Variants in MEGF10 observed in about 807,000 individuals in gnomAD.
MEGF10 encodes multiple EGF like domains 10, also known as multiple epidermal growth factor-like domains protein 10.
In MEGF10, 86 loss-of-function variants were observed where a neutral mutation model predicts 147.5. The observed-to-expected ratio is 0.58, with a 90% CI of 0.49 to 0.70. The LOEUF is 0.70. Among genes scored for constraint, MEGF10 ranks in the 30% least tolerant of loss-of-function variants. The probability of loss-of-function intolerance (pLI) is 0.00; values close to 1 mark genes in which losing one functional copy is unlikely to be tolerated. For missense variants in MEGF10, 1,329 were observed against 1,487.3 expected (o/e 0.89, Z 1.75); for synonymous variants, 478 against 525.5 (o/e 0.91, Z 1.24).
At chr5:127,405,806 T>C (rs1764300184) in intron 8 of MEGF10, among the ~76,000 whole-genome samples, 1 of 152,148 alleles carries the variant, frequency 6.6e-6, no homozygotes, top group South Asian at 2.1e-4. Flanking sequence ...ATTTTGTTAA[T>C]AGTAGCTGCT....
the MEGF10 span, among the ~76,000 whole-genome samples, chr5:127,276,767 T>C: frequency 6.6e-6 from 1 of 152,000 alleles, no homozygotes; most frequent in Non-Finnish European, 1.5e-5. Context: ...GAGAAAGACA[T>C]AGCAAACAAT....
rs71573990 is a variant in MEGF10, at chr5:127,357,588, AAAATAAATAAAT to A, written c.320-12290_320-12279del. On this transcript the variant is annotated intron_variant, in intron 4 of 24. Coordinates refer to ENST00000503335, the MANE Select transcript of MEGF10 (RefSeq NM_001256545.2). ...AGGTGACAGAACAAGACCCTGCCTC[AAAATAAATAAAT>A]AAATAAATAAATAAATAAATAAATA... is the stretch of plus-strand genomic sequence containing the variant. Among the ~76,000 whole-genome samples the A allele has an allele frequency of 4.0e-3, 526 of 132,600 alleles. 2 individuals are homozygous for A. The highest frequency in any genetic ancestry group is 0.011 in the Middle Eastern group (3 of 272). 87.0% of individuals were successfully genotyped at this position (132,600 alleles called of 152,430 possible). A position where few individuals can be genotyped will look rare whatever the true frequency, so the allele number is the denominator to read the frequency against.
rs1215640291 is a variant in MEGF10, at chr5:127,459,361, CAATT to C, written c.*2044_*2047del. On this transcript the variant is annotated 3_prime_UTR_variant, in exon 25 of 25. Coordinates refer to ENST00000503335, the MANE Select transcript of MEGF10 (RefSeq NM_001256545.2). The stretch of plus-strand genomic sequence containing the variant: ...AATGACCTGGAACAGGCCTTAGAAA[CAATT>C]GATTTATTCCAATAGTTAACCACTG... 6.6e-6 allele frequency: 1 copy of C among 152,140 alleles called. No individual in the cohort carries two copies. The highest frequency in any genetic ancestry group is 2.1e-4 in the South Asian group (1 of 4,818). The allele number at this position is 152,140 out of a possible 1,614,324, so 9.4% of individuals were successfully genotyped here.
intron 1 of MEGF10, among the ~76,000 whole-genome samples, chr5:127,313,702 A>T (rs1270766735): frequency 6.6e-6 from 1 of 152,228 alleles, no homozygotes; most frequent in Non-Finnish European, 1.5e-5. Flanking sequence ...AGCAATGTAC[A>T]GACTCAGATT....
chr5:127,319,670 G>C (rs78652976), intron 1 of MEGF10, among the ~76,000 whole-genome samples: 1 of 152,044 alleles, frequency 6.6e-6, no homozygotes, highest in Non-Finnish European at 1.5e-5. Flanking sequence ...AATTCACTGC[G>C]AGCTCTTCCT....
At chr5:127,351,606 T>G (rs1762091719) in intron 4 of MEGF10, among the ~76,000 whole-genome samples, 1 of 152,166 alleles carries the variant, frequency 6.6e-6, no homozygotes, top group Non-Finnish European at 1.5e-5. Flanking sequence ...CATTTAGAAT[T>G]AGATTTGGCT....
intron 7 of MEGF10, among the ~76,000 whole-genome samples, chr5:127,401,448 A>C (rs576029863): frequency 1.3e-5 from 2 of 152,280 alleles, no homozygotes; most frequent in Non-Finnish European, 2.9e-5. Context: ...GAGGAGACTT[A>C]ATTAGCACAC....
chr5:127,359,947 C>G (rs913714992), intron 4 of MEGF10, among the ~76,000 whole-genome samples: 3 of 152,036 alleles, frequency 2.0e-5, no homozygotes, highest in African/African-American at 7.2e-5. Flanking sequence ...TTCAGAGATA[C>G]TTTATTTGAA....
chr5:127,394,522 G>C (rs1052469823), intron 5 of MEGF10, among the ~76,000 whole-genome samples: 1 of 152,210 alleles, frequency 6.6e-6, no homozygotes, highest in Admixed American at 6.5e-5. Context: ...ACAAAGGCCT[G>C]TGTAATTTGT....
chr5:127,398,122 C>A (rs1338973758), intron 6 of MEGF10, among the ~76,000 whole-genome samples: 1 of 151,738 alleles, frequency 6.6e-6, no homozygotes, highest in Non-Finnish European at 1.5e-5. Context: ...GCATGCGGGG[C>A]TTAAAACCTA....
chr5:127,378,599 C>G (rs554219942), intron 5 of MEGF10, among the ~76,000 whole-genome samples: 3 of 152,140 alleles, frequency 2.0e-5, no homozygotes, highest in Non-Finnish European at 4.4e-5. Flanking sequence ...ACAACAGGCA[C>G]ACACCACCAA....
At chr5:127,422,623 G>A in intron 12 of MEGF10, 47 bp from the exon 13 acceptor site, 2 of 1,483,886 alleles carry the variant, frequency 1.3e-6, no homozygotes, top group Non-Finnish European at 1.9e-6. Flanking sequence ...TCTGTTGTGG[G>A]ATTTCCCAGG....
chr5:127,313,065 A>G (rs1760368137), intron 1 of MEGF10, among the ~76,000 whole-genome samples: 1 of 152,198 alleles, frequency 6.6e-6, no homozygotes, highest in Non-Finnish European at 1.5e-5. Flanking sequence ...TGGGACAGGT[A>G]GAAAAAGTAT....
At chr5:127,390,092 A>G (rs926054408) in intron 5 of MEGF10, among the ~76,000 whole-genome samples, 10 of 152,206 alleles carry the variant, frequency 6.6e-5, no homozygotes, top group Admixed American at 2.0e-4. Context: ...TAAAAGAATA[A>G]TCATGCATAA....
intron 5 of MEGF10, among the ~76,000 whole-genome samples, chr5:127,383,473 A>C (rs1447378786): frequency 1.3e-5 from 2 of 152,150 alleles, no homozygotes; most frequent in African/African-American, 4.8e-5. Context: ...TAAATAAATA[A>C]ATAAAAATAA....
chr5:127,387,735 A>ATTATATCTAACTCATTGAG (rs1227600762), intron 5 of MEGF10, among the ~76,000 whole-genome samples: 1 of 152,224 alleles, frequency 6.6e-6, no homozygotes, highest in Non-Finnish European at 1.5e-5. Flanking sequence ...TATTGGAATA[A>ATTATATCTAACTCATTGAG]TTATATCTAA....
At chr5:127,367,411 C>G (rs973190261) in intron 4 of MEGF10, among the ~76,000 whole-genome samples, 1 of 152,052 alleles carries the variant, frequency 6.6e-6, no homozygotes, top group African/African-American at 2.4e-5. Flanking sequence ...TAATATTAAT[C>G]CTTTTGTCAA....
intron 10 of MEGF10, among the ~76,000 whole-genome samples, chr5:127,418,050 A>G (rs1379704344): frequency 6.8e-6 from 1 of 146,710 alleles, no homozygotes; most frequent in African/African-American, 2.4e-5. Context: ...ATATAAACAC[A>G]TGTCAGAAAG....
chr5:127,266,954 CTA>C, the MEGF10 span, among the ~76,000 whole-genome samples: 2 of 152,178 alleles, frequency 1.3e-5, no homozygotes, highest in Admixed American at 1.3e-4. Context: ...ACTTCCAACA[CTA>C]TGTTGAATAG....
Sources: allele counts gnomAD v4.1 joint callset (sites outside exome capture counted in the v4.1 genomes callset), GRCh38; gene constraint gnomAD v4.1.1; transcripts MANE v1.5; gene names NCBI Gene and HGNC (gene_info 2026-07-23, HGNC 2026-07-21).